The following LUZP2 variants were observed in gnomAD, a reference collection of about 807,000 sequenced individuals.
The protein encoded by LUZP2 is leucine zipper protein 2.
Under a neutral mutation model 51.6 loss-of-function variants are expected in LUZP2, and 52 were observed. That is an observed-to-expected ratio of 1.01 (90% CI 0.81 to 1.27). The LOEUF (loss-of-function observed/expected upper bound fraction) is 1.27, where lower values mean the gene tolerates loss of function less well. Ranked by LOEUF, LUZP2 falls within the 50% of genes most tolerant of loss-of-function variation. LUZP2 has a pLI of 0.00. For missense variants in LUZP2, 436 were observed against 395.4 expected, an observed-to-expected ratio of 1.10 and a Z score of -0.87; for synonymous variants, 154 against 137.3, an observed-to-expected ratio of 1.12 and a Z score of -0.85.
At chr11:24,801,659 T>G (rs186978717) in intron 5 of LUZP2, among the ~76,000 whole-genome samples, 212 of 151,816 alleles carry the variant, frequency 1.4e-3, no homozygotes, top group African/African-American at 4.8e-3. Flanking sequence ...AAAGAAATTT[T>G]TAAGGATTTA....
intron 1 of LUZP2, among the ~76,000 whole-genome samples, chr11:24,601,497 A>G (rs1853635610): frequency 6.6e-6 from 1 of 151,942 alleles, no homozygotes; most frequent in African/African-American, 2.4e-5. Flanking sequence ...TTTTTACTTT[A>G]CCAGCTTTCT....
rs1449322513 is a variant in LUZP2 at position 24,576,589 on chromosome 11, A to G, written c.62+79284A>G. Among the ~76,000 whole-genome samples the G allele has an allele frequency of 1.1e-4, 16 of 151,802 alleles. 1 individual carries two copies. The highest frequency in any genetic ancestry group is 1.1e-3 in the Admixed American group (16 of 15,216). On this transcript the variant is annotated intron_variant, in intron 1 of 11. Coordinates refer to ENST00000336930, the MANE Select transcript of LUZP2 (RefSeq NM_001009909.4). ...ATTTGAGATTTTCTAAAGATTTGTT[A>G]AAGAAAAAACACGCGTACAGACAGT...
chr11:24,595,645 G>A (rs556170280), intron 1 of LUZP2, among the ~76,000 whole-genome samples: 1 of 152,108 alleles, frequency 6.6e-6, no homozygotes, highest in Admixed American at 6.6e-5. Context: ...CCCATAGCCA[G>A]TTACAAAAGC....
intron 1 of LUZP2, among the ~76,000 whole-genome samples, chr11:24,612,037 A>T (rs1208203219): frequency 6.6e-6 from 1 of 152,194 alleles, no homozygotes; most frequent in Non-Finnish European, 1.5e-5. Context: ...TGAGCAAGAG[A>T]GACCAATTAG....
chr11:24,619,048 G>A (rs987925171), intron 1 of LUZP2, among the ~76,000 whole-genome samples: 2 of 149,154 alleles, frequency 1.3e-5, no homozygotes, highest in African/African-American at 5.0e-5. Context: ...TTATTTATTT[G>A]AGATAGGTCT....
intron 10 of LUZP2, among the ~76,000 whole-genome samples, chr11:25,052,269 C>G (rs915184418): frequency 6.6e-6 from 1 of 152,180 alleles, no homozygotes; most frequent in African/African-American, 2.4e-5. Flanking sequence ...GTGGGACATG[C>G]ATGAACATCA....
chr11:24,965,004 G>A (rs1353777403), intron 7 of LUZP2, among the ~76,000 whole-genome samples: 3 of 151,566 alleles, frequency 2.0e-5, no homozygotes, highest in Non-Finnish European at 4.4e-5. Context: ...TCAGAGTCTA[G>A]AACCTATTAA....
chr11:24,761,816 T>C (rs1859989784), intron 4 of LUZP2, among the ~76,000 whole-genome samples: 1 of 152,122 alleles, frequency 6.6e-6, no homozygotes, highest in Admixed American at 6.6e-5. Flanking sequence ...GATTTTCTCA[T>C]AATTTAGGCA....
chr11:24,643,592 C>T (rs1016681326), intron 1 of LUZP2, among the ~76,000 whole-genome samples: 2 of 152,082 alleles, frequency 1.3e-5, no homozygotes, highest in Non-Finnish European at 2.9e-5. Context: ...ATAAGGCCTA[C>T]GCATCATGTA....
intron 1 of LUZP2, among the ~76,000 whole-genome samples, chr11:24,498,938 CTA>C (rs1353955511): frequency 6.6e-6 from 1 of 152,072 alleles, no homozygotes; most frequent in South Asian, 2.1e-4. Context: ...TTTAAGGATA[CTA>C]TAATTAAATT....
Position 24,871,278 on chromosome 11 carries a change from A to G in LUZP2, c.397-34713A>G, listed in dbSNP as rs1852062703. On this transcript the variant is annotated intron_variant, in intron 5 of 11. Coordinates refer to ENST00000336930, the MANE Select transcript of LUZP2 (RefSeq NM_001009909.4). ...TGAATTTAAATTACTTTTGTCACTA[A>G]TGAAGTTGTCAACCATCACAATTTC... Among the ~76,000 whole-genome samples, 4 of 152,108 alleles carry G rather than the reference A, an allele frequency of 2.6e-5. No individual in the cohort carries two copies. The South Asian group carries it at 8.3e-4, about 31-fold the overall frequency.
intron 1 of LUZP2, among the ~76,000 whole-genome samples, chr11:24,599,586 C>T (rs1313120183): frequency 6.6e-6 from 1 of 152,146 alleles, no homozygotes; most frequent in Non-Finnish European, 1.5e-5. Flanking sequence ...TCACACCTGT[C>T]CAAACTAAGC....
chr11:24,848,744 C>T (rs979005221), intron 5 of LUZP2, among the ~76,000 whole-genome samples: 9 of 152,052 alleles, frequency 5.9e-5, no homozygotes, highest in East Asian at 1.9e-4. Flanking sequence ...TGAATGAAAG[C>T]GGAAACATTT....
intron 4 of LUZP2, 48 bp from the exon 5 acceptor site, chr11:24,763,198 T>A (rs184354745): frequency 1.2e-6 from 1 of 811,328 alleles, no homozygotes; most frequent in East Asian, 2.9e-5. Context: ...ATGAAAGCCA[T>A]GGTAATGAGT....
intron 1 of LUZP2, among the ~76,000 whole-genome samples, chr11:24,693,660 T>C (rs1267375121): frequency 1.3e-5 from 2 of 151,998 alleles, no homozygotes; most frequent in Non-Finnish European, 2.9e-5. Flanking sequence ...AAGACTTATT[T>C]TTTTCTGTAC....
chr11:24,805,669 A>G (rs1849833064), intron 5 of LUZP2, among the ~76,000 whole-genome samples: 1 of 152,210 alleles, frequency 6.6e-6, no homozygotes, highest in African/African-American at 2.4e-5. Flanking sequence ...TTTGAAAATT[A>G]GAACCCTGAG....
chr11:24,863,866 A>T (rs1333444238), intron 5 of LUZP2, among the ~76,000 whole-genome samples: 2 of 152,192 alleles, frequency 1.3e-5, no homozygotes, highest in African/African-American at 4.8e-5. Flanking sequence ...TATCTAAGAT[A>T]TCATAATTGA....
chr11:24,897,321 C>G (rs979671028), intron 5 of LUZP2, among the ~76,000 whole-genome samples: 17 of 152,258 alleles, frequency 1.1e-4, no homozygotes, highest in South Asian at 4.1e-4. Context: ...AGTAGCAACC[C>G]GCCTCTGTGG....
chr11:24,546,620 A>G, intron 1 of LUZP2, among the ~76,000 whole-genome samples: 1 of 152,076 alleles, frequency 6.6e-6, no homozygotes, highest in African/African-American at 2.4e-5. Context: ...CCAGGGATAA[A>G]GCCCACTTTA....
Sources: gnomAD v4.1 joint callset for allele counts (sites outside exome capture counted in the v4.1 genomes callset) on GRCh38, gnomAD v4.1.1 for gene constraint, MANE v1.5 for transcripts, NCBI Gene and HGNC (gene_info 2026-07-23, HGNC 2026-07-21) for gene names.